The following PHACTR4 variants were observed in gnomAD, a reference collection of about 807,000 sequenced individuals.
PHACTR4 encodes protein phosphatase 1, regulatory subunit 124.
Under a neutral mutation model 72.7 loss-of-function variants are expected in PHACTR4, and 51 were observed. The observed-to-expected ratio is 0.70, with a 90% CI of 0.56 to 0.89. PHACTR4 has a LOEUF of 0.89. Among genes scored for constraint, PHACTR4 ranks in the 40% least tolerant of loss-of-function variants. PHACTR4 has a pLI of 0.00. For missense variants in PHACTR4, 731 were observed against 861.8 expected (o/e 0.85, Z 1.90); for synonymous variants, 255 against 302.5 (o/e 0.84, Z 1.63).
At chr1:28,486,942 C>A (rs767222215) in intron 9 of PHACTR4, among the ~76,000 whole-genome samples, 1 of 151,880 alleles carries the variant, frequency 6.6e-6, no homozygotes, top group Non-Finnish European at 1.5e-5. Flanking sequence ...CTGGGGGAAT[C>A]ACTTGAGCCC....
At chr1:28,451,952 C>A (rs1171195667) in intron 2 of PHACTR4, among the ~76,000 whole-genome samples, 1 of 152,036 alleles carries the variant, frequency 6.6e-6, no homozygotes, top group Non-Finnish European at 1.5e-5. Flanking sequence ...TTTATGCATT[C>A]TTCAAAACTC....
At chr1:28,454,790 GT>G (rs1658251351) in intron 2 of PHACTR4, among the ~76,000 whole-genome samples, 1 of 152,122 alleles carries the variant, frequency 6.6e-6, no homozygotes, top group Non-Finnish European at 1.5e-5. Flanking sequence ...AGCTTCTGTT[GT>G]TTATTTGCAA....
intron 13 of PHACTR4, among the ~76,000 whole-genome samples, chr1:28,495,915 C>G (rs986350817): frequency 6.6e-6 from 1 of 151,944 alleles, no homozygotes; most frequent in African/African-American, 2.4e-5. Context: ...GCCACCGTGA[C>G]TGGCCAAGGA....
At chr1:28,474,803 A>G (rs1659816126) in intron 7 of PHACTR4, among the ~76,000 whole-genome samples, 1 of 152,092 alleles carries the variant, frequency 6.6e-6, no homozygotes, top group Non-Finnish European at 1.5e-5. Flanking sequence ...TCGGTCTCAC[A>G]AAGTGCTGGG....
chr1:28,437,109 A>G (rs1416950873), intron 2 of PHACTR4, among the ~76,000 whole-genome samples: 3 of 152,214 alleles, frequency 2.0e-5, no homozygotes, highest in Admixed American at 6.5e-5. Context: ...AGGCATGCCC[A>G]CCTACAGGTA....
At chr1:28,407,284 A>G (rs931497801) in intron 1 of PHACTR4, 126 bp from the exon 2 acceptor site, 1 of 434,892 alleles carries the variant, frequency 2.3e-6, no homozygotes, top group Non-Finnish European at 4.1e-6. Context: ...AATAAGTTGT[A>G]CATTTCTATA....
intron 2 of PHACTR4, among the ~76,000 whole-genome samples, chr1:28,427,344 G>A (rs533896700): frequency 1.7e-3 from 263 of 152,052 alleles, no homozygotes; most frequent in African/African-American, 6.1e-3. Flanking sequence ...TGGCCAACAT[G>A]GTGAAACCCC....
rs141954445 is a variant in PHACTR4 at position 28,401,645 on chromosome 1, G to T, written c.-38-5765G>T. Among the ~76,000 whole-genome samples the T allele has an allele frequency of 2.5e-3, 380 of 151,810 alleles. 2 individuals are homozygous for T. Among genetic ancestry groups the T allele is most frequent in the African/African-American group, 8.1e-3 (335 of 41,410 alleles). On this transcript the variant is annotated intron_variant, in intron 1 of 13. Coordinates refer to ENST00000373839, the MANE Select transcript of PHACTR4 (RefSeq NM_001048183.3). ...AATAGAGGCAGGGTCTGGCTCTGTT[G>T]CCCATGCTGGAGTGCCGTGGTGCAG...
intron 1 of PHACTR4, 50 bp downstream of exon 1, chr1:28,369,875 C>T (rs1397994206): frequency 4.7e-6 from 2 of 425,902 alleles, no homozygotes; most frequent in Non-Finnish European, 9.3e-6. Context: ...CAGTATCAGG[C>T]TGCGGCCTCC....
intron 1 of PHACTR4, among the ~76,000 whole-genome samples, chr1:28,377,232 C>A (rs1345028933): frequency 2.0e-5 from 3 of 151,116 alleles, no homozygotes; most frequent in Non-Finnish European, 4.4e-5. Flanking sequence ...GCCTCCGCAC[C>A]CAGCCTTTTT....
Position 28,460,259 on chromosome 1 carries a change from A to G in PHACTR4, c.238A>G (p.Lys80Glu). The change falls in exon 4 of 14, where the codon AAA becomes GAA. Residue 80 changes from lysine (K) to glutamate (E), a missense_variant. Lys to Glu is a moderately conservative substitution (Grantham distance 56, BLOSUM62 1). Coordinates refer to ENST00000373839, the MANE Select transcript of PHACTR4 (RefSeq NM_001048183.3). ...GCGAAAGCCAAGAGAAGAGCTGGTTAAAAGAGGGGTTCTGTTGGAAGACCC... is the reference window on the plus strand; with the variant it reads ...GCGAAAGCCAAGAGAAGAGCTGGTTGAAAGAGGGGTTCTGTTGGAAGACCC... ...SMRKPREELV[K>E]RGVLLEDPEQ... The G allele has an allele frequency of 1.2e-6, 2 of 1,613,872 alleles. No homozygotes were observed. The highest frequency in any genetic ancestry group is 8.5e-7 in the Non-Finnish European group (1 of 1,179,830).
At chr1:28,415,541 TC>T in intron 2 of PHACTR4, among the ~76,000 whole-genome samples, 1 of 152,356 alleles carries the variant, frequency 6.6e-6, no homozygotes, top group Middle Eastern at 3.4e-3. Context: ...AGTTGTGACT[TC>T]CTTCTAAAGA....
intron 2 of PHACTR4, among the ~76,000 whole-genome samples, chr1:28,441,855 G>A (rs1479477270): frequency 2.0e-5 from 3 of 152,002 alleles, no homozygotes; most frequent in Non-Finnish European, 2.9e-5. Context: ...TAGCCACTGT[G>A]GTGGTACTTA....
chr1:28,393,080 C>T (rs1045445371), intron 1 of PHACTR4, among the ~76,000 whole-genome samples: 1 of 152,092 alleles, frequency 6.6e-6, no homozygotes, highest in Non-Finnish European at 1.5e-5. Flanking sequence ...GAATGTATCC[C>T]TCAAGGATAA....
At chr1:28,378,521 T>G (rs1651879162) in intron 1 of PHACTR4, among the ~76,000 whole-genome samples, 1 of 150,384 alleles carries the variant, frequency 6.6e-6, no homozygotes, top group Non-Finnish European at 1.5e-5. Context: ...AGAAAAAAGT[T>G]TTTTTTTTAA....
chr1:28,465,518 A>C (rs35039036), intron 4 of PHACTR4, among the ~76,000 whole-genome samples, 167 bp from the exon 5 acceptor site: 211 of 152,274 alleles, frequency 1.4e-3, no homozygotes, highest in African/African-American at 4.8e-3. Flanking sequence ...CGGGAGACCA[A>C]GGCGGGCTGA....
At chr1:28,408,121 A>G (rs1654491830) in intron 2 of PHACTR4, among the ~76,000 whole-genome samples, 1 of 152,274 alleles carries the variant, frequency 6.6e-6, no homozygotes, top group Non-Finnish European at 1.5e-5. Context: ...CTCTGTCTCA[A>G]AAAAAGAAAA....
chr1:28,394,892 G>A (rs1180268450), intron 1 of PHACTR4, among the ~76,000 whole-genome samples: 2 of 150,326 alleles, frequency 1.3e-5, no homozygotes, highest in African/African-American at 4.9e-5. Flanking sequence ...CACCATGCCT[G>A]GACCTGGCCA....
intron 4 of PHACTR4, among the ~76,000 whole-genome samples, chr1:28,464,856 A>T (rs1051788651): frequency 2.0e-5 from 3 of 151,918 alleles, no homozygotes; most frequent in African/African-American, 7.3e-5. Flanking sequence ...GGCGCTTGCT[A>T]CCATGCCTGG....
Sources: gnomAD v4.1 joint callset for allele counts (sites outside exome capture counted in the v4.1 genomes callset) on GRCh38, gnomAD v4.1.1 for gene constraint, MANE v1.5 for transcripts, NCBI Gene and HGNC (gene_info 2026-07-23, HGNC 2026-07-21) for gene names.